MAGI2: variants seen among roughly 807,000 people sequenced by gnomAD.
MAGI2 encodes membrane-associated guanylate kinase, WW and PDZ domain-containing protein 2.
Under a neutral mutation model 133.3 loss-of-function variants are expected in MAGI2, and 35 were observed. The ratio of observed to expected loss-of-function variants is 0.26; its 90% CI spans 0.20 to 0.35. The LOEUF (loss-of-function observed/expected upper bound fraction) is 0.35, where lower values mean the gene tolerates loss of function less well. MAGI2 is among the 10% of genes least tolerant of loss of function. MAGI2 has a pLI of 1.00. For missense variants in MAGI2, 1,636 were observed against 1,863.4 expected (o/e 0.88, Z 2.25); for synonymous variants, 729 against 710.6 (o/e 1.03, Z -0.41).
intron 21 of MAGI2, among the ~76,000 whole-genome samples, chr7:78,062,192 A>T (rs1179266335): frequency 6.6e-6 from 1 of 152,256 alleles, no homozygotes; most frequent in East Asian, 1.9e-4. Context: ...CTGAAAAAAG[A>T]AAGCAGAAAC....
intron 2 of MAGI2, among the ~76,000 whole-genome samples, chr7:78,956,312 C>T (rs1454628153): frequency 1.3e-5 from 2 of 152,076 alleles, no homozygotes; most frequent in African/African-American, 2.4e-5. Context: ...AAAAATACCC[C>T]TCTCCTAGCA....
At position 79,027,834 on chromosome 7, in the gene MAGI2, T is replaced by G. The variant is rs1411105520; in HGVS notation, c.302-20628A>C. Among the ~76,000 whole-genome samples, 4 of 152,156 alleles carry G rather than the reference T, an allele frequency of 2.6e-5. No individual in the cohort carries two copies. In the East Asian group the frequency reaches 7.7e-4, roughly 29 times the overall value. ...ATATAGAATAATTTAAAAAAAATCA[T>G]GTGACTACCCAAGAATAATTTTCAA... On this transcript the variant is annotated intron_variant, in intron 1 of 21. Transcript: ENST00000354212.
At chr7:79,041,665 CAAAT>C (rs1196758704) in intron 1 of MAGI2, among the ~76,000 whole-genome samples, 3 of 151,758 alleles carry the variant, frequency 2.0e-5, no homozygotes, top group Non-Finnish European at 2.9e-5. Flanking sequence ...ATAACAAAAA[CAAAT>C]AGATAAATGA....
intron 17 of MAGI2, chr7:78,134,301 C>T (rs1821871528): frequency 6.6e-6 from 1 of 152,230 alleles, no homozygotes; most frequent in Admixed American, 6.5e-5. Flanking sequence ...GCCCATCAGC[C>T]TCTGTGTGGG....
intron 1 of MAGI2, among the ~76,000 whole-genome samples, chr7:79,060,358 A>C (rs187379062): frequency 6.6e-6 from 1 of 151,494 alleles, no homozygotes; most frequent in Admixed American, 6.6e-5. Flanking sequence ...ATATTTTTTT[A>C]AAAAAAAACT....
intron 2 of MAGI2, among the ~76,000 whole-genome samples, chr7:79,003,201 G>T (rs566625395): frequency 1.3e-5 from 2 of 152,132 alleles, no homozygotes; most frequent in East Asian, 1.9e-4. Flanking sequence ...TGTAGCAGGT[G>T]GTGGGGGGGA....
intron 1 of MAGI2, among the ~76,000 whole-genome samples, chr7:79,024,894 C>T (rs1464624990): frequency 1.3e-5 from 2 of 152,068 alleles, no homozygotes; most frequent in East Asian, 3.9e-4. Flanking sequence ...AACACTTATG[C>T]ATTGCTGCTG....
chr7:78,483,346 A>T (rs900236992), intron 6 of MAGI2, among the ~76,000 whole-genome samples: 1 of 151,968 alleles, frequency 6.6e-6, no homozygotes, highest in African/African-American at 2.4e-5. Context: ...CATGCAAGTA[A>T]CTTGAGCAAC....
intron 6 of MAGI2, among the ~76,000 whole-genome samples, chr7:78,459,899 G>T (rs1789778072): frequency 6.6e-6 from 1 of 152,200 alleles, no homozygotes; most frequent in Admixed American, 6.5e-5. Flanking sequence ...AATAGCCAGA[G>T]CCATTTTGGT....
chr7:78,046,110 T>C (rs1217057512), intron 21 of MAGI2, among the ~76,000 whole-genome samples: 1 of 151,820 alleles, frequency 6.6e-6, no homozygotes, highest in African/African-American at 2.4e-5. Context: ...GAAATAGGAA[T>C]GTGGGCCAGG....
chr7:78,404,122 G>T (rs970679853), intron 6 of MAGI2, among the ~76,000 whole-genome samples: 6 of 152,136 alleles, frequency 3.9e-5, no homozygotes, highest in Admixed American at 3.3e-4. Flanking sequence ...TCCTTGTAAG[G>T]ACCTCTTCAA....
intron 2 of MAGI2, among the ~76,000 whole-genome samples, chr7:78,838,433 C>A (rs972304465): frequency 1.3e-5 from 2 of 151,848 alleles, no homozygotes; most frequent in African/African-American, 4.8e-5. Context: ...TCTACCAATT[C>A]ATTTATCCTA....
intron 2 of MAGI2, among the ~76,000 whole-genome samples, chr7:78,907,002 A>G (rs1164718524): frequency 6.6e-6 from 1 of 152,238 alleles, no homozygotes; most frequent in East Asian, 1.9e-4. Context: ...GATCTCAAAC[A>G]AAAACTAGAC....
intron 1 of MAGI2, among the ~76,000 whole-genome samples, chr7:79,188,682 G>A (rs2129550961): frequency 6.6e-6 from 1 of 151,764 alleles, no homozygotes; most frequent in East Asian, 1.9e-4. Flanking sequence ...CGCTAATATT[G>A]TATGTAGTTG....
chr7:78,856,223 T>C (rs1204493228), intron 2 of MAGI2, among the ~76,000 whole-genome samples: 1 of 152,212 alleles, frequency 6.6e-6, no homozygotes, highest in African/African-American at 2.4e-5. Flanking sequence ...CTGATGGTAC[T>C]TTCTTTTGCT....
intron 2 of MAGI2, among the ~76,000 whole-genome samples, chr7:78,781,380 CA>C (rs748533885): frequency 0.32 from 31,856 of 100,228 alleles, 2,597 homozygotes; most frequent in South Asian, 0.44. Flanking sequence ...CTCCGTCTCA[CA>C]AAAAAAAAAA....
At position 78,078,244 on chromosome 7, in the gene MAGI2, G is replaced by A. The variant is rs371902956; in HGVS notation, c.3706+703C>T. On this transcript the variant is annotated intron_variant, in intron 21 of 21. Transcript: ENST00000354212. Reference sequence around the variant, plus strand: ...TTTAAAGGCCACCTCAAGTTTTGGTGCTTTTCATGTAATGACCACTCAGCT... The same window carrying A: ...TTTAAAGGCCACCTCAAGTTTTGGTACTTTTCATGTAATGACCACTCAGCT... 7 of 152,326 alleles carry A rather than the reference G, an allele frequency of 4.6e-5. No homozygotes were observed. The South Asian group carries it at 1.5e-3, about 32-fold the overall frequency. The allele number at this position is 152,326 out of a possible 1,614,324, so 9.4% of individuals were successfully genotyped here.
intron 1 of MAGI2, among the ~76,000 whole-genome samples, chr7:79,198,016 G>T (rs771427348): frequency 6.6e-6 from 1 of 151,904 alleles, no homozygotes; most frequent in Admixed American, 6.6e-5. Flanking sequence ...GGAGACCAAG[G>T]AGAGAGGATC....
intron 2 of MAGI2, among the ~76,000 whole-genome samples, chr7:78,638,223 T>C (rs1478394215): frequency 2.6e-5 from 4 of 152,226 alleles, no homozygotes; most frequent in Non-Finnish European, 5.9e-5. Flanking sequence ...TTAAGGCTTC[T>C]ACAGTAAATG....
Sources: allele counts gnomAD v4.1 joint callset (sites outside exome capture counted in the v4.1 genomes callset), GRCh38; gene constraint gnomAD v4.1.1; transcripts MANE v1.5; gene names NCBI Gene and HGNC (gene_info 2026-07-23, HGNC 2026-07-21).